Variants in LPIN1 observed in about 807,000 individuals in gnomAD.
The protein encoded by LPIN1 is lipin 1, also known as phosphatidate phosphatase LPIN1.
A neutral mutation model predicts 107.5 loss-of-function variants in LPIN1; 71 were observed. The ratio of observed to expected loss-of-function variants is 0.66; its 90% CI spans 0.55 to 0.80. LPIN1 has a LOEUF of 0.80. LPIN1 is among the 30% of genes least tolerant of loss of function. LPIN1 has a pLI of 0.00. For synonymous variants in LPIN1, 445 were observed against 452.6 expected (o/e 0.98, Z 0.21); for missense variants, 1,043 against 1,160.6 (o/e 0.90, Z 1.47).
chr2:11,763,754 G>C (rs930926210), intron 1 of LPIN1, among the ~76,000 whole-genome samples: 1 of 151,920 alleles, frequency 6.6e-6, no homozygotes, highest in African/African-American at 2.4e-5. Flanking sequence ...TCTGGGTGCA[G>C]CTCCCTCTTC....
At chr2:11,732,903 CTCTCTCTCTG>C (rs1341197032) in intron 1 of LPIN1, among the ~76,000 whole-genome samples, 1 of 145,068 alleles carries the variant, frequency 6.9e-6, no homozygotes, top group Non-Finnish European at 1.5e-5. Flanking sequence ...TTCTCTCTCT[CTCTCTCTCTG>C]TGTGTGTGTG....
At chr2:11,824,410 C>T (rs191076036) in intron 20 of LPIN1, among the ~76,000 whole-genome samples, 40 of 151,866 alleles carry the variant, frequency 2.6e-4, no homozygotes, top group Non-Finnish European at 3.5e-4. Context: ...GTCCCACCCA[C>T]CTCTTCCCCA....
rs774490262 is a variant in LPIN1, at chr2:11,765,651, G to T, written c.110G>T (p.Arg37Leu). ...GGGTGCATTGACATCATTGTCATCCGCCAGCCCAATGGAAACCTCCAATGC... is the reference window on the plus strand; with the variant it reads ...GGGTGCATTGACATCATTGTCATCCTCCAGCCCAATGGAAACCTCCAATGC... ...LSGCIDIIVI[R>L]QPNGNLQCSP... The change falls in exon 2 of 21, where the codon CGC (arginine) becomes CTC (leucine). Residue 37 changes from arginine (R) to leucine (L), a missense_variant. Physicochemically the swap from Arg to Leu is moderately radical, Grantham distance 102. Coordinates refer to ENST00000674199, the MANE Select transcript of LPIN1 (RefSeq NM_001349206.2). This position sits in a 1 kb window ranked among gnomAD's most constrained non-coding sequence, Gnocchi z 4.4. 5.6e-6 allele frequency: 9 copies of T among 1,614,082 alleles called. No homozygotes were observed. Among genetic ancestry groups the T allele is most frequent in the Admixed American group, 3.3e-5 (2 of 60,006 alleles).
At chr2:11,788,042 A>G (rs534939714) in intron 11 of LPIN1, among the ~76,000 whole-genome samples, 7 of 151,990 alleles carry the variant, frequency 4.6e-5, no homozygotes, top group Non-Finnish European at 8.8e-5. Context: ...TAAGCCATGG[A>G]TGTTTTACAC....
chr2:11,797,585 C>G (rs1279542968), intron 14 of LPIN1, among the ~76,000 whole-genome samples: 1 of 152,242 alleles, frequency 6.6e-6, no homozygotes, highest in Admixed American at 6.5e-5. Flanking sequence ...AATTTAATGA[C>G]TGCCCTATTG....
intron 17 of LPIN1, 88 bp downstream of exon 17, chr2:11,805,244 G>A (rs1253714824): frequency 3.0e-5 from 32 of 1,066,096 alleles, no homozygotes; most frequent in East Asian, 1.9e-4. Context: ...GTCCCAGCAC[G>A]GGGTGACTTG....
intron 12 of LPIN1, among the ~76,000 whole-genome samples, chr2:11,789,113 T>C (rs1192564421): frequency 6.6e-6 from 1 of 152,282 alleles, no homozygotes; most frequent in East Asian, 1.9e-4. Flanking sequence ...CGTTCTTTGC[T>C]GCAGAGACTG....
chr2:11,817,482 G>T (rs1680765248), intron 18 of LPIN1: 2 of 152,208 alleles, frequency 1.3e-5, no homozygotes, highest in Admixed American at 6.5e-5. Context: ...TGGGCATGAA[G>T]ACAGTCCTCC....
At chr2:11,731,269 T>TC (rs34022657) in intron 1 of LPIN1, among the ~76,000 whole-genome samples, 1 of 150,008 alleles carries the variant, frequency 6.7e-6, no homozygotes, top group Admixed American at 6.6e-5. Context: ...GTTGTTCCCC[T>TC]CCCTGTGTCC....
chr2:11,787,411 T>TC (rs1553435339), intron 11 of LPIN1, among the ~76,000 whole-genome samples: 1 of 144,130 alleles, frequency 6.9e-6, no homozygotes, highest in Non-Finnish European at 1.5e-5. Context: ...TTTTTTTTTT[T>TC]TTTTTTTGCG....
intron 1 of LPIN1, among the ~76,000 whole-genome samples, chr2:11,681,840 A>G (rs929554658): frequency 2.7e-4 from 41 of 152,090 alleles, no homozygotes; most frequent in African/African-American, 9.7e-4. Context: ...GGCTTCACCA[A>G]CCAGAGGCCT....
intron 2 of LPIN1, among the ~76,000 whole-genome samples, chr2:11,716,771 G>C (rs988101450): frequency 6.6e-6 from 1 of 152,086 alleles, no homozygotes; most frequent in African/African-American, 2.4e-5. Flanking sequence ...GAAACTCAAC[G>C]AAATACACAC....
Position 11,786,518 on chromosome 2 carries a change from CATG to C in LPIN1, c.1550-551_1550-549del, listed in dbSNP as rs765132349. Among the ~76,000 whole-genome samples, 1 of 152,128 alleles carries C rather than the reference CATG, an allele frequency of 6.6e-6. No individual in the cohort carries two copies. The highest frequency in any genetic ancestry group is 1.5e-5 in the Non-Finnish European group (1 of 68,022). ...TCTGATCCTGGTGGGGCTGCCCCAC[CATG>C]ATGAGAACAGTGCCCTGCCTGCTTC... On this transcript the variant is annotated intron_variant, in intron 10 of 20. Coordinates refer to ENST00000674199, the MANE Select transcript of LPIN1 (RefSeq NM_001349206.2). The surrounding 1 kb of genome is among the most constrained non-coding windows in gnomAD (Gnocchi z 4.1).
rs1680373283 is a variant in LPIN1, at chr2:11,815,244, C to T, written c.2402+4C>T. The T allele has an allele frequency of 6.2e-7, 1 of 1,613,774 alleles. No homozygotes were observed. Among genetic ancestry groups the T allele is most frequent in the African/African-American group, 1.3e-5 (1 of 74,940 alleles). On this transcript the variant is annotated splice_donor_region_variant and intron_variant, in intron 18 of 20. Coordinates refer to ENST00000674199, the MANE Select transcript of LPIN1 (RefSeq NM_001349206.2). Reference sequence around the variant, plus strand: ...GCCTCTTCTCTGCCCTGCACAGGTACCAGGCCTGCTCCCTGCACCTCCATC... The same window carrying T: ...GCCTCTTCTCTGCCCTGCACAGGTATCAGGCCTGCTCCCTGCACCTCCATC...
At chr2:11,813,007 T>A (rs766927141) in intron 17 of LPIN1, among the ~76,000 whole-genome samples, 2 of 152,048 alleles carry the variant, frequency 1.3e-5, no homozygotes, top group African/African-American at 2.4e-5. Flanking sequence ...ACGTCACACC[T>A]GGGTTAGGAG....
intron 1 of LPIN1, among the ~76,000 whole-genome samples, chr2:11,693,768 A>ATC (rs1421023853): frequency 8.1e-6 from 1 of 123,834 alleles, no homozygotes; most frequent in Non-Finnish European, 1.6e-5. Flanking sequence ...CAAGAGCCAT[A>ATC]TATGTGTGTG....
At chr2:11,685,057 G>A (rs746634395) in intron 1 of LPIN1, among the ~76,000 whole-genome samples, 1 of 152,110 alleles carries the variant, frequency 6.6e-6, no homozygotes, top group Non-Finnish European at 1.5e-5. Context: ...AAGAAAATGG[G>A]GAAAGGCAAC....
intron 2 of LPIN1, among the ~76,000 whole-genome samples, chr2:11,718,530 A>T (rs999861716): frequency 3.9e-5 from 6 of 152,146 alleles, no homozygotes; most frequent in Non-Finnish European, 8.8e-5. Context: ...TATACTTTGA[A>T]TGCTTGCATG....
At chr2:11,762,415 C>T (rs1489011323) in intron 1 of LPIN1, among the ~76,000 whole-genome samples, 1 of 150,666 alleles carries the variant, frequency 6.6e-6, no homozygotes, top group Non-Finnish European at 1.5e-5. Flanking sequence ...CTCCCCTCTC[C>T]CTCCCTGGAG....
Sources: allele counts gnomAD v4.1 joint callset (sites outside exome capture counted in the v4.1 genomes callset), GRCh38; gene constraint gnomAD v4.1.1; non-coding constraint Gnocchi (gnomAD v3.1); transcripts MANE v1.5; gene names NCBI Gene and HGNC (gene_info 2026-07-23, HGNC 2026-07-21).